Variants in SVEP1 observed in about 807,000 individuals in gnomAD.
The protein encoded by SVEP1 is sushi, von Willebrand factor type A, EGF and pentraxin domain containing 1.
In SVEP1, 164 loss-of-function variants were observed where a neutral mutation model predicts 367.3. The observed-to-expected ratio is 0.45, with a 90% CI of 0.39 to 0.51. The LOEUF is 0.51. SVEP1 is among the 20% of genes least tolerant of loss of function. The pLI is 0.00. For missense variants in SVEP1, 4,117 were observed against 4,425.3 expected, an observed-to-expected ratio of 0.93 and a Z score of 1.98; for synonymous variants, 1,666 against 1,611.6, an observed-to-expected ratio of 1.03 and a Z score of -0.81.
intron 27 of SVEP1, among the ~76,000 whole-genome samples, chr9:110,437,896 G>A (rs997568348): frequency 3.3e-5 from 5 of 151,760 alleles, no homozygotes; most frequent in African/African-American, 1.2e-4. Context: ...CCCAATCTAC[G>A]TGTTTTTAAA....
Position 110,457,291 on chromosome 9 carries a change from C to A in SVEP1, c.3638G>T (p.Arg1213Leu), listed in dbSNP as rs371387093. ...AAGTGGACAGAGACAAACATAACCA[C>A]GCCCAAGTTGCTGGCAGGTTCCACT... ...HNSGTCQQLG[R>L]GYVCLCPLGY... The change falls in exon 21 of 48, where the codon CGT becomes CTT. Residue 1213 changes from arginine (R) to leucine (L), a missense_variant. Arg to Leu is a moderately radical substitution (Grantham distance 102). This residue lies in a region of SVEP1 where 2,174 missense variants were observed against 2,494.3 expected (regional missense o/e 0.87). Coordinates refer to ENST00000374469, the MANE Select transcript of SVEP1 (RefSeq NM_153366.4). 1 of 1,612,562 alleles carries A rather than the reference C, an allele frequency of 6.2e-7. No individual in the cohort carries two copies. Among genetic ancestry groups the A allele is most frequent in the Non-Finnish European group, 8.5e-7 (1 of 1,179,598 alleles).
At chr9:110,381,639 G>C (rs1369161140) in intron 43 of SVEP1, among the ~76,000 whole-genome samples, 4 of 152,124 alleles carry the variant, frequency 2.6e-5, no homozygotes. Context: ...AGTAAGTACT[G>C]TGTAGCAATG....
intron 13 of SVEP1, among the ~76,000 whole-genome samples, chr9:110,478,005 T>C (rs1332581599): frequency 2.6e-5 from 4 of 152,188 alleles, no homozygotes; most frequent in African/African-American, 7.2e-5. Context: ...CCATCTCCTC[T>C]TCCACATGTA....
chr9:110,521,556 G>A (rs942187082), intron 3 of SVEP1, among the ~76,000 whole-genome samples: 3 of 152,112 alleles, frequency 2.0e-5, no homozygotes, highest in African/African-American at 7.2e-5. Context: ...ATATGTTGGG[G>A]ATCAATATAT....
At chr9:110,493,530 G>A (rs1395811137) in intron 8 of SVEP1, among the ~76,000 whole-genome samples, 5 of 151,996 alleles carry the variant, frequency 3.3e-5, no homozygotes, top group African/African-American at 7.2e-5. Context: ...TCAGGAGTTC[G>A]AGACCAGGCT....
rs761080802 is a variant in SVEP1 at position 110,457,363 on chromosome 9, C to T, written c.3577-11G>A. On this transcript the variant is annotated splice_polypyrimidine_tract_variant and intron_variant, in intron 20 of 47. Transcript: ENST00000374469. Reference sequence around the variant, plus strand: ...GCATTCATGGAAAACCTACCAGTAGCATAAAAAAATCAATCAGAGACAAAG... The same window carrying T: ...GCATTCATGGAAAACCTACCAGTAGTATAAAAAAATCAATCAGAGACAAAG... The T allele has an allele frequency of 6.3e-7, 1 of 1,597,518 alleles. No homozygotes were observed. The highest frequency in any genetic ancestry group is 1.7e-5 in the Admixed American group (1 of 57,180).
intron 22 of SVEP1, among the ~76,000 whole-genome samples, chr9:110,454,310 C>T (rs571609988): frequency 1.3e-5 from 2 of 152,286 alleles, no homozygotes; most frequent in South Asian, 4.1e-4. Flanking sequence ...AGGGTATTCC[C>T]TAGGTTTTCT....
chr9:110,390,221 A>G (rs1564127374), intron 40 of SVEP1, among the ~76,000 whole-genome samples: 1 of 139,126 alleles, frequency 7.2e-6, no homozygotes, highest in African/African-American at 2.6e-5. Flanking sequence ...ATACTTGTAT[A>G]TATACTTATA....
At position 110,514,076 on chromosome 9, in the gene SVEP1, C is replaced by A; in HGVS notation, c.995G>T (p.Gly332Val). Reference sequence around the variant, plus strand: ...GCAACTGCTGATTCCTCCTGGTGAGCCTTCAGGTTTGTATGTCCCCGATGG... The same window carrying A: ...GCAACTGCTGATTCCTCCTGGTGAGACTTCAGGTTTGTATGTCCCCGATGG... The part of the protein sequence containing the change: ...ACPSGTYKPE[G>V]SPGGISSCIP... Residue 332 changes from glycine (G) to valine (V), a missense_variant, in exon 4 of 48, where the codon GGC becomes GTC. Gly to Val is a moderately radical substitution (Grantham distance 109). Coordinates refer to ENST00000374469, the MANE Select transcript of SVEP1 (RefSeq NM_153366.4). 1.2e-6 allele frequency: 2 copies of A among 1,609,454 alleles called. No individual in the cohort carries two copies. Among genetic ancestry groups the A allele is most frequent in the Non-Finnish European group, 1.7e-6 (2 of 1,177,738 alleles).
At chr9:110,447,092 A>G in intron 24 of SVEP1, 35 bp from the exon 25 acceptor site, 1 of 1,377,598 alleles carries the variant, frequency 7.3e-7, no homozygotes, top group East Asian at 2.9e-5. Context: ...CAATTAGAAC[A>G]GTTGTAGGAA....
intron 18 of SVEP1, among the ~76,000 whole-genome samples, chr9:110,460,355 T>C (rs528249144): frequency 1.1e-4 from 16 of 152,356 alleles, no homozygotes; most frequent in Middle Eastern, 3.4e-3. Context: ...AAAAGTGTTA[T>C]CACAGTAGAG....
chr9:110,471,787 A>G (rs1221453271), intron 15 of SVEP1, among the ~76,000 whole-genome samples, 190 bp from the exon 16 acceptor site: 1 of 152,160 alleles, frequency 6.6e-6, no homozygotes, highest in East Asian at 1.9e-4. Flanking sequence ...GTGAACAATT[A>G]AGTTAAGTAC....
intron 3 of SVEP1, among the ~76,000 whole-genome samples, chr9:110,544,344 C>A (rs1267153611): frequency 6.6e-6 from 1 of 152,022 alleles, no homozygotes; most frequent in East Asian, 1.9e-4. Context: ...TGTTAATTTC[C>A]ATGGGGATAC....
chr9:110,484,005 G>A (rs112306761), intron 9 of SVEP1, among the ~76,000 whole-genome samples: 31 of 152,266 alleles, frequency 2.0e-4, no homozygotes, highest in African/African-American at 5.3e-4. Context: ...GTCCACGGTC[G>A]TTGAGCTGAC....
At position 110,435,228 on chromosome 9, in the gene SVEP1, A is replaced by G; in HGVS notation, c.4888+13T>C. The G allele has an allele frequency of 6.2e-7, 1 of 1,611,796 alleles. No homozygotes were observed. Among genetic ancestry groups the G allele is most frequent in the Non-Finnish European group, 8.5e-7 (1 of 1,178,478 alleles). ...AAGAGATAGTGGAGTCTATGAAAGAAGGAAATTCTCACCAGAACAAAATAT... is the reference window on the plus strand; with the variant it reads ...AAGAGATAGTGGAGTCTATGAAAGAGGGAAATTCTCACCAGAACAAAATAT... On this transcript the variant is annotated intron_variant, in intron 29 of 47. Coordinates refer to ENST00000374469, the MANE Select transcript of SVEP1 (RefSeq NM_153366.4).
chr9:110,465,295 T>TA lies in SVEP1; in HGVS notation c.3322+569dup, dbSNP rs58478942. On this transcript the variant is annotated intron_variant, in intron 18 of 47. Coordinates refer to ENST00000374469, the MANE Select transcript of SVEP1 (RefSeq NM_153366.4). Reference sequence around the variant, plus strand: ...CTTCAAATAATCACCTGGGGAAACTTAAAAAAAAAAAAAGAAAACCAATTC... The same window carrying TA: ...CTTCAAATAATCACCTGGGGAAACTTAAAAAAAAAAAAAAGAAAACCAATTC... Among the ~76,000 whole-genome samples the TA allele has an allele frequency of 3.7e-3, 517 of 140,100 alleles. 2 individuals are homozygous for TA. The highest frequency in any genetic ancestry group is 8.2e-3 in the East Asian group (40 of 4,870). 91.9% of individuals were successfully genotyped at this position (140,100 alleles called of 152,430 possible).
chr9:110,490,847 T>A (rs909659361), intron 8 of SVEP1, among the ~76,000 whole-genome samples: 7 of 152,008 alleles, frequency 4.6e-5, no homozygotes, highest in Admixed American at 3.9e-4. Flanking sequence ...ATTCTCAAGT[T>A]TGCATGTATT....
chr9:110,478,065 A>G (rs1829124857), intron 13 of SVEP1, among the ~76,000 whole-genome samples: 1 of 151,846 alleles, frequency 6.6e-6, no homozygotes, highest in Non-Finnish European at 1.5e-5. Flanking sequence ...TACCTTTGCC[A>G]CTCTGACATC....
chr9:110,379,636 C>T (rs1827404679), intron 43 of SVEP1, 119 bp from the exon 44 acceptor site: 1 of 1,004,322 alleles, frequency 1.0e-6, no homozygotes, highest in African/African-American at 1.7e-5. Context: ...ACATTTTCAC[C>T]TACTTATCTA....
Sources: allele counts gnomAD v4.1 joint callset (sites outside exome capture counted in the v4.1 genomes callset), GRCh38; gene constraint gnomAD v4.1.1; regional missense constraint gnomAD v4.1.1; transcripts MANE v1.5; gene names NCBI Gene and HGNC (gene_info 2026-07-23, HGNC 2026-07-21).